UBR1: variants seen among roughly 807,000 people sequenced by gnomAD.
UBR1 encodes the protein E3 ubiquitin-protein ligase UBR1.
A neutral mutation model predicts 242.1 loss-of-function variants in UBR1; 102 were observed. The observed-to-expected ratio is 0.42, with a 90% CI of 0.36 to 0.50. UBR1 has a LOEUF of 0.50. Among genes scored for constraint, UBR1 ranks in the 20% least tolerant of loss-of-function variants. The probability of loss-of-function intolerance (pLI) is 0.01; values close to 1 mark genes in which losing one functional copy is unlikely to be tolerated. For synonymous variants in UBR1, 675 were observed against 684.8 expected, an observed-to-expected ratio of 0.99 and a Z score of 0.22; for missense variants, 1,772 against 2,101.8, an observed-to-expected ratio of 0.84 and a Z score of 3.07.
rs2033699184 is a variant in UBR1 at position 43,062,352 on chromosome 15, GAC to G, written c.799-2240_799-2239del. ...ATATGTGTATATATATATACAAACA[GAC>G]AAATACTGCATGATCTCATTTGTAT... On this transcript the variant is annotated intron_variant, in intron 6 of 46. Transcript: ENST00000290650. Among the ~76,000 whole-genome samples the G allele has an allele frequency of 2.6e-5, 4 of 152,082 alleles. No individual in the cohort carries two copies. The East Asian group carries it at 7.7e-4, about 29-fold the overall frequency.
chr15:42,974,569 T>C (rs1383678966), intron 39 of UBR1, among the ~76,000 whole-genome samples: 2 of 152,228 alleles, frequency 1.3e-5, no homozygotes, highest in Non-Finnish European at 2.9e-5. Context: ...TTTCCATATA[T>C]ACTTCATGTA....
At chr15:43,085,756 T>C (rs970883251) in intron 2 of UBR1, among the ~76,000 whole-genome samples, 22 of 151,608 alleles carry the variant, frequency 1.5e-4, no homozygotes, top group Non-Finnish European at 2.9e-5. Context: ...TGGTGGCGGG[T>C]GCCTGTAATC....
chr15:42,945,496 A>G (rs756840531), intron 46 of UBR1, 26 bp from the exon 47 acceptor site: 2 of 1,613,228 alleles, frequency 1.2e-6, no homozygotes, highest in Non-Finnish European at 1.7e-6. Flanking sequence ...AAAAAACAAC[A>G]TGTAAGTTTG....
intron 3 of UBR1, among the ~76,000 whole-genome samples, chr15:43,075,986 T>A: frequency 6.6e-6 from 1 of 151,098 alleles, no homozygotes; most frequent in Non-Finnish European, 1.5e-5. Flanking sequence ...CCTCTCCCTC[T>A]CTCCACGGTC....
chr15:43,077,193 G>A (rs940621297), intron 3 of UBR1, among the ~76,000 whole-genome samples: 2 of 140,016 alleles, frequency 1.4e-5, no homozygotes, highest in Non-Finnish European at 3.1e-5. Context: ...GACAATGGCG[G>A]TTTTGTGGAA....
At position 43,070,890 on chromosome 15, in the gene UBR1, G is replaced by A; in HGVS notation, c.564C>T (p.Val188=). ...CTGAAGGAAATATTTTCCTGGCTTG[G>A]ACAATTACCTCTTCATTCAACGGAC... ...SRCPLNEEVI[V]QARKIFPSVI... Residue 188 remains valine (V), a synonymous_variant, in exon 5 of 47, where the codon GTC becomes GTT. Transcript: ENST00000290650. 6.2e-7 allele frequency: 1 copy of A among 1,613,522 alleles called. No homozygotes were observed. Among genetic ancestry groups the A allele is most frequent in the Non-Finnish European group, 8.5e-7 (1 of 1,179,958 alleles).
rs1448182846 is a variant in UBR1 at position 42,943,172 on chromosome 15, T to A, written c.*2157A>T. ...ATACACCAATATAATAAATTAATTA[T>A]ACAGATATATTTTTCTTCACCATAT... On this transcript the variant is annotated 3_prime_UTR_variant, in exon 47 of 47. Coordinates refer to ENST00000290650, the MANE Select transcript of UBR1 (RefSeq NM_174916.3). The A allele has an allele frequency of 6.6e-6, 1 of 152,568 alleles. No individual in the cohort carries two copies. Among genetic ancestry groups the A allele is most frequent in the Non-Finnish European group, 1.5e-5 (1 of 68,030 alleles). 9.5% of individuals were successfully genotyped at this position (152,568 alleles called of 1,614,324 possible).
chr15:43,004,130 T>C (rs1446200145), intron 30 of UBR1, among the ~76,000 whole-genome samples, 200 bp from the exon 31 acceptor site: 3 of 152,240 alleles, frequency 2.0e-5, no homozygotes, highest in Non-Finnish European at 4.4e-5. Flanking sequence ...CTAAAATTAG[T>C]ATGGATTAAT....
chr15:43,036,520 A>T lies in UBR1; in HGVS notation c.2088+8T>A. The T allele has an allele frequency of 6.3e-7, 1 of 1,581,956 alleles. No homozygotes were observed. The highest frequency in any genetic ancestry group is 8.7e-7 in the Non-Finnish European group (1 of 1,151,510). On this transcript the variant is annotated splice_region_variant and intron_variant, in intron 18 of 46. Coordinates refer to ENST00000290650, the MANE Select transcript of UBR1 (RefSeq NM_174916.3). Reference sequence around the variant, plus strand: ...GACACAAATATCAGAAACAATTTAAATAGGTACCTGAAGCATGATGATATC... The same window carrying T: ...GACACAAATATCAGAAACAATTTAATTAGGTACCTGAAGCATGATGATATC...
At position 43,015,689 on chromosome 15, in the gene UBR1, T is replaced by C; in HGVS notation, c.3208A>G (p.Ser1070Gly). 15 of 1,613,684 alleles carry C rather than the reference T, an allele frequency of 9.3e-6. No homozygotes were observed. The highest frequency in any genetic ancestry group is 1.3e-5 in the Non-Finnish European group (15 of 1,180,002). ...AATTTTTGGTTTGCTTTATTTTACCTCTCTTCCTCCATAATGGAATCTTCT... is the reference window on the plus strand; with the variant it reads ...AATTTTTGGTTTGCTTTATTTTACCCCTCTTCCTCCATAATGGAATCTTCT... ...GKEDSIMEEESTPAVSDYSRI... is the reference protein window; with the variant it reads ...GKEDSIMEEEGTPAVSDYSRI... Residue 1070 changes from serine (S) to glycine (G), a missense_variant and splice_region_variant, in exon 29 of 47, where the codon AGC becomes GGC. By Grantham distance (56) the Ser-to-Gly change is moderately conservative. Around this residue, in one of 3 missense-constraint regions of UBR1, gnomAD observed 965 missense variants for 1,079.7 expected, o/e 0.89. Transcript: ENST00000290650.
In UBR1 at chr15:42,977,931, T is replaced by G. The variant is rs761894888; in HGVS notation, c.4167A>C (p.Ile1389=). The change falls in exon 38 of 47, where the codon ATA becomes ATC. Residue 1389 remains isoleucine (I), a synonymous_variant. Coordinates refer to ENST00000290650, the MANE Select transcript of UBR1 (RefSeq NM_174916.3). ...VRLLSVVLPN[I]KSEDTPCLLS... ...GAAGGCATGGTGTATCTTCTGATTTTATGTTAGGAAGAACAACTAAAACAA... is the reference window on the plus strand; with the variant it reads ...GAAGGCATGGTGTATCTTCTGATTTGATGTTAGGAAGAACAACTAAAACAA... 6.2e-7 allele frequency: 1 copy of G among 1,613,064 alleles called. No homozygotes were observed. The highest frequency in any genetic ancestry group is 1.3e-5 in the African/African-American group (1 of 74,902).
chr15:43,010,397 T>A (rs1018302694), intron 29 of UBR1, among the ~76,000 whole-genome samples: 5 of 150,908 alleles, frequency 3.3e-5, no homozygotes, highest in African/African-American at 1.2e-4. Flanking sequence ...AGAACATACA[T>A]AGATTTCCAA....
At position 43,029,114 on chromosome 15, in the gene UBR1, T is replaced by TAC. The variant is rs993990597; in HGVS notation, c.2379+828_2379+829dup. ...AGAAAAATAAATAAATAAAAACAAA[T>TAC]ACACACACACGCACACACACACACA... On this transcript the variant is annotated intron_variant, in intron 21 of 46. Transcript: ENST00000290650. 2.7e-3 allele frequency among the ~76,000 whole-genome samples: 390 copies of TAC among 145,752 alleles called. 1 individual carries two copies. The highest frequency in any genetic ancestry group is 0.01 in the African/African-American group (374 of 35,762).
At chr15:43,098,754 G>A (rs2141371307) in intron 1 of UBR1, among the ~76,000 whole-genome samples, 1 of 152,088 alleles carries the variant, frequency 6.6e-6, no homozygotes, top group East Asian at 1.9e-4. Context: ...ATAGAATCTG[G>A]CATTAAAAAA....
At chr15:43,100,515 G>T (rs1483179868) in intron 1 of UBR1, among the ~76,000 whole-genome samples, 1 of 151,988 alleles carries the variant, frequency 6.6e-6, no homozygotes, top group African/African-American at 2.4e-5. Context: ...AAATATTTAA[G>T]TGTCTTCTGT....
chr15:42,953,796 T>C (rs1596073347), intron 44 of UBR1, among the ~76,000 whole-genome samples: 1 of 152,194 alleles, frequency 6.6e-6, no homozygotes, highest in South Asian at 2.1e-4. Context: ...TCATAAGTGG[T>C]AATATCATCC....
intron 35 of UBR1, 110 bp from the exon 36 acceptor site, chr15:42,985,052 AT>A: frequency 5.4e-6 from 5 of 931,836 alleles, no homozygotes; most frequent in Non-Finnish European, 6.2e-6. Context: ...GATGATTTGC[AT>A]TTTTCCCCTT....
intron 33 of UBR1, among the ~76,000 whole-genome samples, chr15:42,992,880 A>G (rs1328107401): frequency 1.3e-5 from 2 of 152,178 alleles, no homozygotes; most frequent in African/African-American, 4.8e-5. Context: ...GACAGAAAAA[A>G]ATGATGAAGA....
chr15:42,978,889 C>T (rs1394378340), intron 37 of UBR1, among the ~76,000 whole-genome samples: 8 of 142,070 alleles, frequency 5.6e-5, no homozygotes, highest in African/African-American at 1.3e-4. Context: ...CCACCACGCC[C>T]GGCTTTTTTT....
Sources: gnomAD v4.1 joint callset for allele counts (sites outside exome capture counted in the v4.1 genomes callset) on GRCh38, gnomAD v4.1.1 for gene constraint, gnomAD v4.1.1 regional missense constraint, MANE v1.5 for transcripts, NCBI Gene and HGNC (gene_info 2026-07-23, HGNC 2026-07-21) for gene names.